Variants in RHCG observed in about 807,000 individuals in gnomAD.
RHCG encodes ammonium transporter Rh type C.
Under a neutral mutation model 55.3 loss-of-function variants are expected in RHCG, and 39 were observed. The observed-to-expected ratio is 0.70, with a 90% confidence interval of 0.55 to 0.92. The LOEUF is 0.92. Among genes scored for constraint, RHCG ranks in the 40% least tolerant of loss-of-function variants. The probability of loss-of-function intolerance (pLI) is 0.00; values close to 1 mark genes in which losing one functional copy is unlikely to be tolerated. For missense variants in RHCG, 635 were observed against 627.9 expected (o/e 1.01, Z -0.12); for synonymous variants, 250 against 246.8 (o/e 1.01, Z -0.12).
intron 1 of RHCG, among the ~76,000 whole-genome samples, chr15:89,489,232 T>A (rs1243115855): frequency 2.0e-5 from 3 of 151,966 alleles, no homozygotes; most frequent in African/African-American, 7.3e-5. Flanking sequence ...TCCTCCCACC[T>A]CAGCCTCTGC....
chr15:89,485,208 A>G (rs1961338090), intron 2 of RHCG, among the ~76,000 whole-genome samples: 1 of 152,224 alleles, frequency 6.6e-6, no homozygotes. Context: ...TGAGATTAAA[A>G]AAAATTCATT....
In RHCG at chr15:89,472,736, T is replaced by A; in HGVS notation, c.1439A>T (p.Ter480LeuextTer157). 2 of 1,608,028 alleles carry A rather than the reference T, an allele frequency of 1.2e-6. No homozygotes were observed. Among genetic ancestry groups the A allele is most frequent in the Non-Finnish European group, 1.7e-6 (2 of 1,177,248 alleles). ...PMASSVPLVP[*>L] Reference sequence around the variant, plus strand: ...CTGCTCCTCACCTGCCCTGGGAGCCTAGGGTACCAAGGGTACCGAGGAAGC... The same window carrying A: ...CTGCTCCTCACCTGCCCTGGGAGCCAAGGGTACCAAGGGTACCGAGGAAGC... Residue 480 changes from the stop codon to leucine (L), a stop_lost, in exon 10 of 11, where the codon TAG (stop) becomes TTG (leucine). Coordinates refer to ENST00000268122, the MANE Select transcript of RHCG (RefSeq NM_016321.3).
intron 1 of RHCG, among the ~76,000 whole-genome samples, chr15:89,490,184 G>A (rs1243050044): frequency 6.6e-6 from 1 of 152,244 alleles, no homozygotes; most frequent in African/African-American, 2.4e-5. Flanking sequence ...GGCCAAGGCT[G>A]CAGGAGCAAT....
intron 1 of RHCG, among the ~76,000 whole-genome samples, chr15:89,489,236 C>T (rs1340220912): frequency 6.6e-6 from 1 of 152,114 alleles, no homozygotes; most frequent in East Asian, 1.9e-4. Context: ...CCCACCTCAG[C>T]CTCTGCAGCA....
chr15:89,489,908 C>A (rs747990163), intron 1 of RHCG, among the ~76,000 whole-genome samples: 1 of 152,196 alleles, frequency 6.6e-6, no homozygotes, highest in Non-Finnish European at 1.5e-5. Context: ...GTTTGTCTAT[C>A]CCACTACGCT....
At chr15:89,475,564 T>A (rs1470773788) in intron 9 of RHCG, among the ~76,000 whole-genome samples, 1 of 152,176 alleles carries the variant, frequency 6.6e-6, no homozygotes, top group Non-Finnish European at 1.5e-5. Context: ...AGTTTCTGTA[T>A]TGGAATCACC....
At chr15:89,489,045 A>C (rs983991466) in intron 1 of RHCG, among the ~76,000 whole-genome samples, 3 of 152,160 alleles carry the variant, frequency 2.0e-5, no homozygotes, top group African/African-American at 7.2e-5. Context: ...GCATGTGTGT[A>C]TGTGCGTGTG....
chr15:89,479,056 C>T (rs547461216), intron 5 of RHCG, among the ~76,000 whole-genome samples: 2 of 125,686 alleles, frequency 1.6e-5, no homozygotes, highest in East Asian at 2.1e-4. Flanking sequence ...GCCGAGATAG[C>T]GCCACTGCAC....
At chr15:89,493,333 C>T (rs1276187577) in intron 1 of RHCG, among the ~76,000 whole-genome samples, 1 of 152,206 alleles carries the variant, frequency 6.6e-6, no homozygotes, top group Non-Finnish European at 1.5e-5. Context: ...AGGGAAGCTG[C>T]GTGCTTAGCA....
At chr15:89,487,122 C>A in intron 1 of RHCG, 137 bp from the exon 2 acceptor site, 3 of 759,348 alleles carry the variant, frequency 4.0e-6, no homozygotes, top group Non-Finnish European at 4.0e-6. Flanking sequence ...CATCCTAACC[C>A]GGTTCCCCCA....
intron 5 of RHCG, among the ~76,000 whole-genome samples, chr15:89,478,944 A>G (rs1808838893): frequency 6.6e-6 from 1 of 152,098 alleles, no homozygotes. Flanking sequence ...TACAAAAATT[A>G]GCTAACTTAG....
At chr15:89,489,207 C>T (rs1961429426) in intron 1 of RHCG, among the ~76,000 whole-genome samples, 1 of 152,146 alleles carries the variant, frequency 6.6e-6, no homozygotes, top group South Asian at 2.1e-4. Context: ...CCTCTGCCTC[C>T]TGGGGTTCAA....
chr15:89,474,299 G>A (rs934123310), intron 9 of RHCG, among the ~76,000 whole-genome samples: 2 of 152,190 alleles, frequency 1.3e-5, no homozygotes, highest in East Asian at 1.9e-4. Flanking sequence ...TTTTTAAAGA[G>A]TTAATTTAAG....
chr15:89,475,174 CTTCCTGCCTGCCTGCCTTCCTTCCTTCT>C (rs1169120413), intron 9 of RHCG, among the ~76,000 whole-genome samples: 7 of 147,860 alleles, frequency 4.7e-5, no homozygotes, highest in South Asian at 2.2e-4. Context: ...GCCTGCCTGC[CTTCCTGCCTGCCTGCCTTCCTTCCTTCT>C]TTCCTTCCTT....
intron 9 of RHCG, among the ~76,000 whole-genome samples, chr15:89,473,649 C>T (rs1485698822): frequency 6.6e-6 from 1 of 152,068 alleles, no homozygotes; most frequent in Non-Finnish European, 1.5e-5. Flanking sequence ...AAACAAAAAA[C>T]AATACAGCAT....
At chr15:89,495,511 AAG>A (rs1029345362) in intron 1 of RHCG, among the ~76,000 whole-genome samples, 1 of 152,174 alleles carries the variant, frequency 6.6e-6, no homozygotes, top group African/African-American at 2.4e-5. Flanking sequence ...TGATTTTGGG[AAG>A]AGCCCCAGGC....
At chr15:89,495,117 A>G (rs1191631189) in intron 1 of RHCG, among the ~76,000 whole-genome samples, 2 of 152,188 alleles carry the variant, frequency 1.3e-5, no homozygotes, top group African/African-American at 4.8e-5. Context: ...TGGTCTCCCC[A>G]GCAGGGGGCG....
At chr15:89,491,778 A>C (rs1961480135) in intron 1 of RHCG, among the ~76,000 whole-genome samples, 3 of 146,862 alleles carry the variant, frequency 2.0e-5, no homozygotes, top group African/African-American at 5.5e-5. Flanking sequence ...AAAAAATAAA[A>C]ATTAAAAAAA....
In RHCG at chr15:89,489,140, T is replaced by C. The variant is rs545799357; in HGVS notation, c.185-2155A>G. Among the ~76,000 whole-genome samples, 383 of 152,246 alleles carry C rather than the reference T, an allele frequency of 2.5e-3. 1 individual carries two copies. Among genetic ancestry groups the C allele is most frequent in the African/African-American group, 8.7e-3 (363 of 41,540 alleles). Reference sequence around the variant, plus strand: ...TTTTATTGTTGTTGTTGTTGAGACATAGTCTCATTTTGTCGCCCTGGCTGG... The same window carrying C: ...TTTTATTGTTGTTGTTGTTGAGACACAGTCTCATTTTGTCGCCCTGGCTGG... On this transcript the variant is annotated intron_variant, in intron 1 of 10. Transcript: ENST00000268122.
Sources: gnomAD v4.1 joint callset for allele counts (sites outside exome capture counted in the v4.1 genomes callset) on GRCh38, gnomAD v4.1.1 for gene constraint, MANE v1.5 for transcripts, NCBI Gene and HGNC (gene_info 2026-07-23, HGNC 2026-07-21) for gene names.